SHISAL2B: variants seen among roughly 807,000 people sequenced by gnomAD.
SHISAL2B encodes the protein shisa like 2B, also known as protein shisa-like-2B.
Under a neutral mutation model 16.5 loss-of-function variants are expected in SHISAL2B, and 12 were observed. That is an observed-to-expected ratio of 0.73 (90% CI 0.47 to 1.18). The LOEUF is 1.18. Among genes scored for constraint, SHISAL2B ranks in the 50% most tolerant of loss-of-function variants. SHISAL2B has a pLI of 0.00. For missense variants in SHISAL2B, 183 were observed against 193.6 expected (o/e 0.95, Z 0.33); for synonymous variants, 72 against 75.0 (o/e 0.96, Z 0.21).
intron 2 of SHISAL2B, among the ~76,000 whole-genome samples, chr5:64,715,433 T>C (rs1456579771): frequency 1.3e-5 from 2 of 152,054 alleles, no homozygotes; most frequent in African/African-American, 4.8e-5. Flanking sequence ...TTCTAAAACC[T>C]GAAGGAGAAT....
intron 1 of SHISAL2B, among the ~76,000 whole-genome samples, chr5:64,694,630 A>T (rs1741704735): frequency 6.6e-6 from 1 of 152,244 alleles, no homozygotes; most frequent in African/African-American, 2.4e-5. Flanking sequence ...CCTTAATGCT[A>T]GAAGCCATTG....
chr5:64,709,397 A>G (rs1377193039), intron 2 of SHISAL2B, among the ~76,000 whole-genome samples: 2 of 149,752 alleles, frequency 1.3e-5, no homozygotes, highest in Admixed American at 6.7e-5. Context: ...ATAGTATTCC[A>G]TGGTGTATAT....
chr5:64,694,311 C>A, intron 1 of SHISAL2B: 2 of 247,962 alleles, frequency 8.1e-6, no homozygotes, highest in Middle Eastern at 1.2e-3. Context: ...TGAAAGTTGA[C>A]AGAAGTATCT....
At chr5:64,716,625 G>A (rs1742057367) in intron 2 of SHISAL2B, among the ~76,000 whole-genome samples, 1 of 152,092 alleles carries the variant, frequency 6.6e-6, no homozygotes, top group African/African-American at 2.4e-5. Context: ...TTTGAGGAAG[G>A]ACTTGGAAAA....
intron 2 of SHISAL2B, among the ~76,000 whole-genome samples, chr5:64,699,729 A>G (rs1741782755): frequency 6.6e-6 from 1 of 152,220 alleles, no homozygotes; most frequent in South Asian, 2.1e-4. Flanking sequence ...TCTTGTGTAC[A>G]TACTAAATTG....
intron 2 of SHISAL2B, among the ~76,000 whole-genome samples, chr5:64,715,833 G>A (rs1415114742): frequency 1.3e-5 from 2 of 152,020 alleles, no homozygotes; most frequent in Non-Finnish European, 2.9e-5. Flanking sequence ...TGATATCTCA[G>A]GCATGATATT....
Position 64,716,847 on chromosome 5 carries a change from G to C in SHISAL2B, c.350-1042G>C, listed in dbSNP as rs116703170. The stretch of plus-strand genomic sequence containing the variant: ...ACTGTATAAGACTTGGGTGAATGGA[G>C]GGTTCTCGGCAGAGGGCATGATTCA... On this transcript the variant is annotated intron_variant, in intron 2 of 2. Transcript: ENST00000389074. Among the ~76,000 whole-genome samples the C allele has an allele frequency of 6.4e-3, 980 of 152,298 alleles. 10 individuals are homozygous for C. Among genetic ancestry groups the C allele is most frequent in the African/African-American group, 0.023 (956 of 41,564 alleles).
intron 2 of SHISAL2B, among the ~76,000 whole-genome samples, chr5:64,710,027 G>A (rs1221255008): frequency 1.3e-5 from 2 of 149,326 alleles, no homozygotes; most frequent in East Asian, 3.9e-4. Flanking sequence ...CTGTGCAGAA[G>A]CTCTTTAGTT....
intron 2 of SHISAL2B, among the ~76,000 whole-genome samples, chr5:64,705,064 A>G (rs897124272): frequency 1.3e-5 from 2 of 152,216 alleles, no homozygotes; most frequent in Non-Finnish European, 2.9e-5. Flanking sequence ...TTAGAAGCCA[A>G]TCAAAAAAAA....
At chr5:64,694,895 T>C (rs1454667241) in intron 1 of SHISAL2B, among the ~76,000 whole-genome samples, 1 of 152,192 alleles carries the variant, frequency 6.6e-6, no homozygotes, top group Non-Finnish European at 1.5e-5. Context: ...TTGATGGAGA[T>C]GTTTTAGAAT....
At chr5:64,700,376 T>C (rs1313503604) in intron 2 of SHISAL2B, among the ~76,000 whole-genome samples, 1 of 152,180 alleles carries the variant, frequency 6.6e-6, no homozygotes, top group Admixed American at 6.5e-5. Flanking sequence ...TGGCATAGTA[T>C]TTGCATGTAA....
At chr5:64,696,340 C>T (rs141980560) in intron 2 of SHISAL2B, among the ~76,000 whole-genome samples, 1,544 of 152,266 alleles carry the variant, frequency 0.01, 24 homozygotes, top group African/African-American at 0.035. Context: ...GATTGTAAAA[C>T]ATGTGTGTTT....
intron 2 of SHISAL2B, among the ~76,000 whole-genome samples, chr5:64,703,814 C>T (rs1741842704): frequency 6.6e-6 from 1 of 152,104 alleles, no homozygotes; most frequent in African/African-American, 2.4e-5. Flanking sequence ...TTCTAACTTT[C>T]ATGATAAATT....
Position 64,694,050 on chromosome 5 carries a change from C to T in SHISAL2B, c.192-1457C>T, listed in dbSNP as rs146688169. On this transcript the variant is annotated intron_variant, in intron 1 of 2. Coordinates refer to ENST00000389074, the MANE Select transcript of SHISAL2B (RefSeq NM_001164442.2). ...CCAAAGCAACAATGCTCCTGGCATC[C>T]CTGGTCAAATTCTCCCTTCCCTCCC... The T allele has an allele frequency of 1.0e-3, 473 of 455,022 alleles. 1 individual carries two copies. Among genetic ancestry groups the T allele is most frequent in the African/African-American group, 7.3e-3 (365 of 50,102 alleles). 28.2% of individuals were successfully genotyped at this position (455,022 alleles called of 1,614,324 possible). A position where few individuals can be genotyped will look rare whatever the true frequency, so the allele number is the denominator to read the frequency against.
intron 2 of SHISAL2B, among the ~76,000 whole-genome samples, chr5:64,709,849 G>A (rs1452670070): frequency 6.6e-6 from 1 of 152,120 alleles, no homozygotes; most frequent in Non-Finnish European, 1.5e-5. Context: ...TTTGAGAAGT[G>A]TCTGTTCATG....
chr5:64,717,762 C>T, intron 2 of SHISAL2B, 127 bp from the exon 3 acceptor site: 3 of 771,976 alleles, frequency 3.9e-6, no homozygotes, highest in Non-Finnish European at 6.0e-6. Flanking sequence ...AATTCTCACT[C>T]ATACACATAG....
chr5:64,705,795 A>G (rs1037349059), intron 2 of SHISAL2B, among the ~76,000 whole-genome samples: 3 of 152,164 alleles, frequency 2.0e-5, no homozygotes, highest in Non-Finnish European at 4.4e-5. Flanking sequence ...GTCCTGAGAC[A>G]TGTGCCCAAG....
At chr5:64,713,638 C>T (rs1741990893) in intron 2 of SHISAL2B, among the ~76,000 whole-genome samples, 1 of 118,274 alleles carries the variant, frequency 8.5e-6, no homozygotes, top group Non-Finnish European at 1.6e-5. Flanking sequence ...AGAGTGTTTT[C>T]CAACTTGGTT....
At chr5:64,700,072 G>A (rs1486886610) in intron 2 of SHISAL2B, among the ~76,000 whole-genome samples, 3 of 152,272 alleles carry the variant, frequency 2.0e-5, no homozygotes, top group East Asian at 3.9e-4. Context: ...ATGTTTAAAA[G>A]AATACCATTG....
Sources: gnomAD v4.1 joint callset for allele counts (sites outside exome capture counted in the v4.1 genomes callset) on GRCh38, gnomAD v4.1.1 for gene constraint, MANE v1.5 for transcripts, NCBI Gene and HGNC (gene_info 2026-07-23, HGNC 2026-07-21) for gene names.